NBEAL2: variants seen among roughly 807,000 people sequenced by gnomAD.
The protein encoded by NBEAL2 is neurobeachin-like protein 2.
In NBEAL2, 160 loss-of-function variants were observed where a neutral mutation model predicts 299.8. The observed-to-expected ratio is 0.53, with a 90% CI of 0.47 to 0.61. The LOEUF (loss-of-function observed/expected upper bound fraction) is 0.61, where lower values mean the gene tolerates loss of function less well. Among genes scored for constraint, NBEAL2 ranks in the 20% least tolerant of loss-of-function variants. NBEAL2 has a pLI of 0.00. For synonymous variants in NBEAL2, 1,493 were observed against 1,542.3 expected, an observed-to-expected ratio of 0.97 and a Z score of 0.75; for missense variants, 3,112 against 3,649.0, an observed-to-expected ratio of 0.85 and a Z score of 3.79.
intron 1 of NBEAL2, among the ~76,000 whole-genome samples, chr3:46,987,609 T>TATG (rs1178720790): frequency 6.6e-6 from 1 of 151,530 alleles, no homozygotes; most frequent in Non-Finnish European, 1.5e-5. Context: ...GGGACAAAGG[T>TATG]ATGGCTGAGT....
rs1370127707 is a variant in NBEAL2 at position 46,988,010 on chromosome 3, G to GC, written c.52-658dup. The GC allele has an allele frequency of 2.3e-6, 3 of 1,278,046 alleles. No individual in the cohort carries two copies. The highest frequency in any genetic ancestry group is 3.1e-6 in the Non-Finnish European group (3 of 983,144). The allele number at this position is 1,278,046 out of a possible 1,614,324, so 79.2% of individuals were successfully genotyped here. On this transcript the variant is annotated intron_variant, in intron 1 of 53. Transcript: ENST00000450053. The surrounding 1 kb of genome is among the most constrained non-coding windows in gnomAD (Gnocchi z 4.4). ...CGTTCACACCAAAGTTTTCCTGGCAGCGCCTAGACCTGGGCTTAGCCACTG... is the reference window on the plus strand; with the variant it reads ...CGTTCACACCAAAGTTTTCCTGGCAGCCGCCTAGACCTGGGCTTAGCCACTG...
chr3:46,988,888 C>T lies in NBEAL2; in HGVS notation c.187C>T (p.Leu63=), dbSNP rs80105480. 7.1e-4 allele frequency: 1,140 copies of T among 1,612,378 alleles called. 18 individuals carry two copies. The East Asian group carries it at 0.02, about 29-fold the overall frequency. ...AEVPLLPLDE[L]HVLAEQLHQA... ...GGTCCCGCTGCTACCACTGGATGAG[C>T]TGCATGTGCTGGCCGAACAGCTGCA... The change falls in exon 3 of 54, where the codon CTG becomes TTG. Residue 63 remains leucine (L), a synonymous_variant. Transcript: ENST00000450053. This position sits in a 1 kb window ranked among gnomAD's most constrained non-coding sequence, Gnocchi z 4.4.
chr3:47,004,974 C>G lies in NBEAL2; in HGVS notation c.6297C>G (p.Phe2099Leu). Reference sequence around the variant, plus strand: ...CCCCTGCTCGGGTGGGTGGCCAGTTCCCCTGGGTCCTGCAGGACTACGTGT... The same window carrying G: ...CCCCTGCTCGGGTGGGTGGCCAGTTGCCCTGGGTCCTGCAGGACTACGTGT... ...TYNDLSQYPV[F>L]PWVLQDYVSP... The change falls in exon 39 of 54, where the codon TTC (phenylalanine) becomes TTG (leucine). Residue 2099 changes from phenylalanine to leucine, a missense_variant and splice_region_variant. Transcript: ENST00000450053. The surrounding 1 kb of genome is among the most constrained non-coding windows in gnomAD (Gnocchi z 5.0). The G allele has an allele frequency of 1.2e-6, 2 of 1,606,086 alleles. No homozygotes were observed. The highest frequency in any genetic ancestry group is 1.7e-6 in the Non-Finnish European group (2 of 1,176,610).
intron 14 of NBEAL2, 28 bp downstream of exon 14, chr3:46,995,874 C>T: frequency 6.2e-7 from 1 of 1,613,646 alleles, no homozygotes. Flanking sequence ...TCATGTGGCC[C>T]AGTAGAGAGA....
In NBEAL2 at chr3:46,994,562, A is replaced by C; in HGVS notation, c.1296+9A>C. 6.4e-7 allele frequency: 1 copy of C among 1,566,832 alleles called. No individual in the cohort carries two copies. Among genetic ancestry groups the C allele is most frequent in the Non-Finnish European group, 8.7e-7 (1 of 1,154,102 alleles). On this transcript the variant is annotated intron_variant, in intron 12 of 53. Transcript: ENST00000450053. ...AAGAGCTGCTCAACATGGTGAGGGAAGGGGCTTGGGACCAGGGTCCCAAAG... is the reference window on the plus strand; with the variant it reads ...AAGAGCTGCTCAACATGGTGAGGGACGGGGCTTGGGACCAGGGTCCCAAAG...
In NBEAL2 at chr3:47,003,116, C is replaced by T. The variant is rs775662332; in HGVS notation, c.5584+35C>T. The T allele has an allele frequency of 1.9e-6, 3 of 1,610,678 alleles. No homozygotes were observed. The highest frequency in any genetic ancestry group is 3.3e-5 in the Admixed American group (2 of 59,852). Reference sequence around the variant, plus strand: ...TGTGCTGAGATGGGTCCACCCAACTCGATTGTCCCGTCTCCTGTCCTGCCT... The same window carrying T: ...TGTGCTGAGATGGGTCCACCCAACTTGATTGTCCCGTCTCCTGTCCTGCCT... On this transcript the variant is annotated intron_variant, in intron 34 of 53. Transcript: ENST00000450053. The surrounding 1 kb of genome is among the most constrained non-coding windows in gnomAD (Gnocchi z 7.0).
chr3:47,005,399 C>A (rs2037352814), intron 40 of NBEAL2, 78 bp downstream of exon 40: 3 of 1,570,520 alleles, frequency 1.9e-6, no homozygotes, highest in African/African-American at 2.7e-5. Flanking sequence ...CCTGGGCCCA[C>A]CCCTGGCTCC....
rs372864119 is a variant in NBEAL2 at position 47,005,052 on chromosome 3, C to T, written c.6375C>T (p.Pro2125=). Residue 2125 remains proline (P), a synonymous_variant, in exon 39 of 54, where the codon CCC becomes CCT. Transcript: ENST00000450053. ...NPAVFRDLSK[P]IGVVNPKHAQ... Reference sequence around the variant, plus strand: ...CCGTCTTCCGGGACCTGTCTAAGCCCATCGGTGTGGTGAACCCCAAGCATG... The same window carrying T: ...CCGTCTTCCGGGACCTGTCTAAGCCTATCGGTGTGGTGAACCCCAAGCATG... The T allele has an allele frequency of 2.4e-5, 39 of 1,613,572 alleles. No homozygotes were observed. In the African/African-American group the frequency reaches 5.1e-4, roughly 21 times the overall value.
chr3:47,002,350 C>G (rs2107408933), intron 31 of NBEAL2, 21 bp from the exon 32 acceptor site: 2 of 1,612,664 alleles, frequency 1.2e-6, no homozygotes, highest in Admixed American at 1.7e-5. Flanking sequence ...GAGCACTGTT[C>G]TCCTCTGCCC....
In NBEAL2 at chr3:47,000,997, A is replaced by G. The variant is rs201229761; in HGVS notation, c.4306-4A>G. 6.5e-4 allele frequency: 1,039 copies of G among 1,601,530 alleles called. 8 individuals are homozygous for G. The African/African-American group carries it at 0.013, about 20-fold the overall frequency. On this transcript the variant is annotated splice_region_variant and splice_polypyrimidine_tract_variant and intron_variant, in intron 27 of 53. Transcript: ENST00000450053. This position sits in a 1 kb window ranked among gnomAD's most constrained non-coding sequence, Gnocchi z 4.5. ...ACGCCCACACCACCCACCTGTGCCC[A>G]CAGCAAACCTCTGAGGAAGAGTTGT...
At position 47,007,633 on chromosome 3, in the gene NBEAL2, T is replaced by C; in HGVS notation, c.7443T>C (p.Asp2481=). The part of the protein sequence containing the change: ...GKLLFSGGHW[D]GSLRVTALPR... ...TGCTATTCAGCGGTGGCCACTGGGATGGCAGCCTGCGGGTGACTGCACTAC... is the reference window on the plus strand; with the variant it reads ...TGCTATTCAGCGGTGGCCACTGGGACGGCAGCCTGCGGGTGACTGCACTAC... The change falls in exon 48 of 54, where the codon GAT becomes GAC. Residue 2481 remains aspartate, a synonymous_variant. Coordinates refer to ENST00000450053, the MANE Select transcript of NBEAL2 (RefSeq NM_015175.3). 1 of 1,611,362 alleles carries C rather than the reference T, an allele frequency of 6.2e-7. No individual in the cohort carries two copies. Among genetic ancestry groups the C allele is most frequent in the Non-Finnish European group, 8.5e-7 (1 of 1,179,174 alleles).
rs776090988 is a variant in NBEAL2 at position 47,003,854 on chromosome 3, T to A, written c.5759T>A (p.Leu1920Gln). The A allele has an allele frequency of 1.9e-6, 3 of 1,612,610 alleles. No individual in the cohort carries two copies. ...AAELDEQREK[L>Q]VLSAECQLVT... The stretch of plus-strand genomic sequence containing the variant: ...GAACTGGATGAGCAGCGTGAGAAGC[T>A]GGTGCTGTCGGCCGAGTGCCAGCTG... The change falls in exon 36 of 54, where the codon CTG becomes CAG. Residue 1920 changes from leucine to glutamine, a missense_variant. Physicochemically the swap from Leu to Gln is moderately radical, Grantham distance 113. Around this residue, in one of 3 missense-constraint regions of NBEAL2, gnomAD observed 2,243 missense variants for 2,538.1 expected, o/e 0.88. Transcript: ENST00000450053. The surrounding 1 kb of genome is among the most constrained non-coding windows in gnomAD (Gnocchi z 7.0).
intron 1 of NBEAL2, among the ~76,000 whole-genome samples, chr3:46,984,042 TG>T (rs1450059980): frequency 1.3e-5 from 2 of 151,674 alleles, no homozygotes; most frequent in Non-Finnish European, 2.9e-5. Context: ...GTTTCACGCC[TG>T]TAATCCCAGC....
At position 46,998,303 on chromosome 3, in the gene NBEAL2, A is replaced by G. The variant is rs1261685356; in HGVS notation, c.3118+77A>G. 5.2e-6 allele frequency: 8 copies of G among 1,547,890 alleles called. No homozygotes were observed. In the Admixed American group the frequency reaches 1.5e-4, roughly 30 times the overall value. ...AGAAGTTAGAACTCTGCTCTGGGGG[A>G]TCTGAGGGACTCACCTGTTAGGAAT... On this transcript the variant is annotated intron_variant, in intron 21 of 53. Transcript: ENST00000450053.
At chr3:46,987,862 A>T in intron 1 of NBEAL2, 1 of 337,210 alleles carries the variant, frequency 3.0e-6, no homozygotes, top group Non-Finnish European at 4.2e-6. Flanking sequence ...AGCCTCTCTC[A>T]CTGGGGCCCA....
intron 24 of NBEAL2, 82 bp from the exon 25 acceptor site, chr3:46,999,233 G>C: frequency 6.5e-7 from 1 of 1,546,326 alleles, no homozygotes; most frequent in Admixed American, 1.9e-5. Context: ...AGGGCCTCTT[G>C]AGCCACACAC....
Position 46,998,162 on chromosome 3 carries a change from A to C in NBEAL2, c.3054A>C (p.Leu1018=). The change falls in exon 21 of 54, where the codon CTA becomes CTC. Residue 1018 remains leucine, a synonymous_variant. Coordinates refer to ENST00000450053, the MANE Select transcript of NBEAL2 (RefSeq NM_015175.3). ...AGGGCAGCGGGCCCCTCCTGTACCTACTCTACCAGCATTTGCTCTTCAACT... is the reference window on the plus strand; with the variant it reads ...AGGGCAGCGGGCCCCTCCTGTACCTCCTCTACCAGCATTTGCTCTTCAACT... ...AAEGSGPLLY[L]LYQHLLFNFH... 2 of 1,606,914 alleles carry C rather than the reference A, an allele frequency of 1.2e-6. No homozygotes were observed. Among genetic ancestry groups the C allele is most frequent in the Non-Finnish European group, 1.7e-6 (2 of 1,176,832 alleles).
In NBEAL2 at chr3:47,002,495, G is replaced by A. The variant is rs778796443; in HGVS notation, c.5276G>A (p.Arg1759His). The A allele has an allele frequency of 2.2e-5, 35 of 1,612,732 alleles. No homozygotes were observed. Among genetic ancestry groups the A allele is most frequent in the Admixed American group, 1.3e-4 (8 of 60,008 alleles). The change falls in exon 32 of 54, where the codon CGC becomes CAC. Residue 1759 changes from arginine (R) to histidine (H), a missense_variant. Around this residue, in one of 3 missense-constraint regions of NBEAL2, gnomAD observed 2,243 missense variants for 2,538.1 expected, o/e 0.88. Coordinates refer to ENST00000450053, the MANE Select transcript of NBEAL2 (RefSeq NM_015175.3). ...MSSGQRRQWERAQSRRAFQEL... is the reference protein window; with the variant it reads ...MSSGQRRQWEHAQSRRAFQEL... ...AGTGGGCAGCGGCGCCAGTGGGAGC[G>A]CGCCCAGAGTCGTCGGGCCTTCCAG...
Position 46,996,368 on chromosome 3 carries a change from C to G in NBEAL2, c.2249C>G (p.Thr750Ser), listed in dbSNP as rs377324609. ...CCAGTCCCCGCCACCCTGGCCTACA[C>G]TCACCCCGCCCTCACCCGCTCCCAG... ...TPPVPATLAY[T>S]HPALTRSQSV... The change falls in exon 16 of 54, where the codon ACT becomes AGT. Residue 750 changes from threonine to serine, a missense_variant. Physicochemically the swap from Thr to Ser is moderately conservative, Grantham distance 58. Transcript: ENST00000450053. 37 of 1,612,382 alleles carry G rather than the reference C, an allele frequency of 2.3e-5. No homozygotes were observed. The highest frequency in any genetic ancestry group is 3.1e-5 in the Non-Finnish European group (36 of 1,179,812).
Sources: allele counts gnomAD v4.1 joint callset (sites outside exome capture counted in the v4.1 genomes callset), GRCh38; gene constraint gnomAD v4.1.1; regional missense constraint gnomAD v4.1.1; non-coding constraint Gnocchi (gnomAD v3.1); transcripts MANE v1.5; gene names NCBI Gene and HGNC (gene_info 2026-07-23, HGNC 2026-07-21).